CABIN1: variants seen among roughly 807,000 people sequenced by gnomAD.
CABIN1 encodes calcineurin-binding protein cabin-1.
In CABIN1, 133 loss-of-function variants were observed where a neutral mutation model predicts 227.7. That is an observed-to-expected ratio of 0.58 (90% CI 0.51 to 0.67). The LOEUF is 0.67. CABIN1 is among the 30% of genes least tolerant of loss of function. The pLI is 0.00. For missense variants in CABIN1, 2,408 were observed against 2,852.5 expected (o/e 0.84, Z 3.55); for synonymous variants, 1,086 against 1,155.1 (o/e 0.94, Z 1.21).
chr22:24,077,102 C>T (rs755231185), intron 19 of CABIN1, among the ~76,000 whole-genome samples: 19 of 152,250 alleles, frequency 1.2e-4, no homozygotes, highest in Middle Eastern at 6.8e-3. Context: ...TTTAAGAAAA[C>T]GTTTGCCATC....
chr22:24,174,277 G>A (rs1245876179), intron 34 of CABIN1, among the ~76,000 whole-genome samples: 1 of 151,238 alleles, frequency 6.6e-6, no homozygotes, highest in Non-Finnish European at 1.5e-5. Flanking sequence ...TACAAGCATG[G>A]GCCACTACGC....
At chr22:24,149,794 G>C (rs903468909) in intron 29 of CABIN1, among the ~76,000 whole-genome samples, 3 of 152,232 alleles carry the variant, frequency 2.0e-5, no homozygotes, top group African/African-American at 7.2e-5. Context: ...GGAACCCCAG[G>C]CTGGAGAAAG....
At chr22:24,012,388 G>A (rs1368294099) in intron 1 of CABIN1, among the ~76,000 whole-genome samples, 1 of 152,082 alleles carries the variant, frequency 6.6e-6, no homozygotes, top group Non-Finnish European at 1.5e-5. Context: ...AAAAAGGGTG[G>A]GCTGGTTAGC....
chr22:24,034,871 TTCCCTGTTGCC>T (rs1179210399), intron 1 of CABIN1, among the ~76,000 whole-genome samples: 1 of 152,252 alleles, frequency 6.6e-6, no homozygotes, highest in African/African-American at 2.4e-5. Flanking sequence ...CACCCATTGA[TTCCCTGTTGCC>T]TACAGGTAAA....
rs528715446 is a variant in CABIN1, at chr22:24,146,699, G to C, written c.4746+12284G>C. On this transcript the variant is annotated intron_variant, in intron 29 of 36. Transcript: ENST00000263119. ...AAATAATTAAATAAATAAAATGTAAGCAGCCTTTAGACCATCGTTCCTGGT... is the reference window on the plus strand; with the variant it reads ...AAATAATTAAATAAATAAAATGTAACCAGCCTTTAGACCATCGTTCCTGGT... Among the ~76,000 whole-genome samples, 3 of 152,380 alleles carry C rather than the reference G, an allele frequency of 2.0e-5. No homozygotes were observed. In the South Asian group the frequency reaches 6.2e-4, roughly 32 times the overall value.
chr22:24,152,779 A>T (rs889304109), intron 29 of CABIN1, among the ~76,000 whole-genome samples: 1 of 152,040 alleles, frequency 6.6e-6, no homozygotes, highest in Non-Finnish European at 1.5e-5. Context: ...GTGAGACCCC[A>T]TCTCTACTAA....
chr22:24,087,315 T>C (rs1231615962), intron 22 of CABIN1, 137 bp from the exon 23 acceptor site: 12 of 1,052,020 alleles, frequency 1.1e-5, no homozygotes, highest in Non-Finnish European at 1.7e-5. Flanking sequence ...CATTAGTGAG[T>C]GGCAGAGTTG....
intron 6 of CABIN1, among the ~76,000 whole-genome samples, chr22:24,045,281 C>T (rs939666306): frequency 1.3e-5 from 2 of 152,014 alleles, no homozygotes; most frequent in African/African-American, 2.4e-5. Flanking sequence ...GTGTACACCT[C>T]GAAACTCTTT....
intron 5 of CABIN1, 62 bp downstream of exon 5, chr22:24,041,335 G>C (rs1307088539): frequency 6.2e-7 from 1 of 1,607,764 alleles, no homozygotes; most frequent in Non-Finnish European, 8.5e-7. Context: ...GAGGGGATGA[G>C]GTTGCGGTCT....
In CABIN1 at chr22:24,087,631, C is replaced by A. The variant is rs748019070; in HGVS notation, c.3443C>A (p.Thr1148Asn). The change falls in exon 23 of 37, where the codon ACC (threonine) becomes AAC (asparagine). Residue 1148 changes from threonine (T) to asparagine (N), a missense_variant. Thr to Asn is a moderately conservative substitution (Grantham distance 65, BLOSUM62 0). Around this residue, in one of 3 missense-constraint regions of CABIN1, gnomAD observed 649 missense variants for 910.3 expected, o/e 0.71. Coordinates refer to ENST00000263119, the MANE Select transcript of CABIN1 (RefSeq NM_012295.4). Reference protein sequence around the residue: ...SNLSLWIEYGTMSYALHSFAS... With the variant: ...SNLSLWIEYGNMSYALHSFAS... Reference sequence around the variant, plus strand: ...TTGTCCCTATGGATTGAGTATGGCACCATGTCCTATGCCTTGCACTCATTC... The same window carrying A: ...TTGTCCCTATGGATTGAGTATGGCAACATGTCCTATGCCTTGCACTCATTC... 8.6e-5 allele frequency: 139 copies of A among 1,614,054 alleles called. No homozygotes were observed. Among genetic ancestry groups the A allele is most frequent in the Non-Finnish European group, 1.2e-4 (136 of 1,180,036 alleles).
intron 5 of CABIN1, 66 bp downstream of exon 5, chr22:24,041,339 G>A: frequency 1.2e-6 from 2 of 1,603,892 alleles, no homozygotes; most frequent in South Asian, 1.1e-5. Flanking sequence ...GGATGAGGTT[G>A]CGGTCTTGTG....
intron 3 of CABIN1, among the ~76,000 whole-genome samples, chr22:24,037,762 GC>G (rs1367683654): frequency 6.6e-6 from 1 of 152,094 alleles, no homozygotes; most frequent in Non-Finnish European, 1.5e-5. Context: ...AGACTCCACA[GC>G]ACTAACAGCT....
rs1048513664 is a variant in CABIN1 at position 24,087,517 on chromosome 22, A to G, written c.3329A>G (p.Asn1110Ser). 1.9e-6 allele frequency: 3 copies of G among 1,614,226 alleles called. No individual in the cohort carries two copies. The highest frequency in any genetic ancestry group is 1.6e-4 in the Middle Eastern group (1 of 6,062). ...CGCATTCAGGACAAGCTGAACTCCAATGAGCTGAAGAGTGATGGGCCCATT... is the reference window on the plus strand; with the variant it reads ...CGCATTCAGGACAAGCTGAACTCCAGTGAGCTGAAGAGTGATGGGCCCATT... ...ASRIQDKLNS[N>S]ELKSDGPIWK... Residue 1110 changes from asparagine (N) to serine (S), a missense_variant, in exon 23 of 37, where the codon AAT becomes AGT. Around this residue, in one of 3 missense-constraint regions of CABIN1, gnomAD observed 649 missense variants for 910.3 expected, o/e 0.71. Coordinates refer to ENST00000263119, the MANE Select transcript of CABIN1 (RefSeq NM_012295.4).
intron 28 of CABIN1, among the ~76,000 whole-genome samples, chr22:24,132,866 G>A (rs1326677661): frequency 6.6e-6 from 1 of 152,240 alleles, no homozygotes; most frequent in Non-Finnish European, 1.5e-5. Context: ...GGGATTACAG[G>A]CGTGAGCCAC....
intron 29 of CABIN1, among the ~76,000 whole-genome samples, chr22:24,163,950 G>C (rs1248748162): frequency 6.6e-6 from 1 of 152,206 alleles, no homozygotes; most frequent in Non-Finnish European, 1.5e-5. Context: ...CTGCTGGAGA[G>C]AGTGGGTGAG....
At chr22:24,039,248 G>A (rs564972209) in intron 4 of CABIN1, among the ~76,000 whole-genome samples, 1 of 152,328 alleles carries the variant, frequency 6.6e-6, no homozygotes, top group Admixed American at 6.5e-5. Flanking sequence ...GGACTGCACA[G>A]TCCTTGAGTT....
intron 10 of CABIN1, 121 bp from the exon 11 acceptor site, chr22:24,059,106 C>A: frequency 7.8e-7 from 1 of 1,283,518 alleles, no homozygotes; most frequent in Non-Finnish European, 1.1e-6. Flanking sequence ...CTGGACCCCA[C>A]CACCCACTTA....
At chr22:24,149,101 T>C (rs773740722) in intron 29 of CABIN1, among the ~76,000 whole-genome samples, 5 of 152,222 alleles carry the variant, frequency 3.3e-5, no homozygotes, top group Admixed American at 6.5e-5. Context: ...ATTACCATGA[T>C]GACAGGCTGC....
chr22:24,120,658 C>T (rs1443468771), intron 28 of CABIN1, among the ~76,000 whole-genome samples: 2 of 151,956 alleles, frequency 1.3e-5, no homozygotes, highest in African/African-American at 2.4e-5. Flanking sequence ...ACTAAAAATA[C>T]AAAAGTTAGC....
Sources: allele counts gnomAD v4.1 joint callset (sites outside exome capture counted in the v4.1 genomes callset), GRCh38; gene constraint gnomAD v4.1.1; regional missense constraint gnomAD v4.1.1; transcripts MANE v1.5; gene names NCBI Gene and HGNC (gene_info 2026-07-23, HGNC 2026-07-21).